CDS1: variants seen among roughly 807,000 people sequenced by gnomAD.
CDS1 encodes phosphatidate cytidylyltransferase 1.
Under a neutral mutation model 62.1 loss-of-function variants are expected in CDS1, and 41 were observed. The ratio of observed to expected loss-of-function variants is 0.66; its 90% CI spans 0.51 to 0.86. The LOEUF is 0.86. Ranked by LOEUF, CDS1 falls within the 40% of genes least tolerant of loss-of-function variation. The pLI is 0.00. For missense variants in CDS1, 470 were observed against 550.1 expected (o/e 0.85, Z 1.46); for synonymous variants, 185 against 192.6 (o/e 0.96, Z 0.32).
chr4:84,648,219 A>G (rs1414604586), intron 12 of CDS1, among the ~76,000 whole-genome samples: 1 of 152,168 alleles, frequency 6.6e-6, no homozygotes, highest in Admixed American at 6.5e-5. Context: ...TCCTTACAGA[A>G]TAGTTTTTGT....
intron 11 of CDS1, among the ~76,000 whole-genome samples, chr4:84,643,459 C>G (rs1724457280): frequency 6.6e-6 from 1 of 152,194 alleles, no homozygotes; most frequent in African/African-American, 2.4e-5. Flanking sequence ...CGTGAATCAT[C>G]TAAAGTTTAG....
At chr4:84,591,473 A>G (rs919770383) in intron 1 of CDS1, among the ~76,000 whole-genome samples, 1 of 152,168 alleles carries the variant, frequency 6.6e-6, no homozygotes, top group Non-Finnish European at 1.5e-5. Flanking sequence ...TCTTTGAGAA[A>G]AGAGGTGGTG....
chr4:84,617,512 G>A (rs1723534313), intron 3 of CDS1, 52 bp from the exon 4 acceptor site: 4 of 908,926 alleles, frequency 4.4e-6, no homozygotes, highest in Non-Finnish European at 7.3e-6. Flanking sequence ...GAATGATTAA[G>A]CACAAATGTA....
At chr4:84,601,898 G>A (rs532826466) in intron 1 of CDS1, among the ~76,000 whole-genome samples, 1 of 152,066 alleles carries the variant, frequency 6.6e-6, no homozygotes, top group African/African-American at 2.4e-5. Context: ...GGGTGGCCGA[G>A]TGAGACTCCA....
At chr4:84,630,272 C>T (rs914820338) in intron 5 of CDS1, among the ~76,000 whole-genome samples, 1 of 152,048 alleles carries the variant, frequency 6.6e-6, no homozygotes, top group African/African-American at 2.4e-5. Flanking sequence ...TCTCTCTTTC[C>T]TTTCTCTCAA....
At chr4:84,640,124 A>G (rs1472254763) in intron 9 of CDS1, among the ~76,000 whole-genome samples, 1 of 147,944 alleles carries the variant, frequency 6.8e-6, no homozygotes, top group African/African-American at 2.5e-5. Context: ...TCTATATGAA[A>G]TTATATATAT....
intron 3 of CDS1, among the ~76,000 whole-genome samples, chr4:84,610,358 G>T (rs1261205760): frequency 2.0e-5 from 3 of 152,178 alleles, no homozygotes; most frequent in Admixed American, 2.0e-4. Flanking sequence ...AGATCTGCAA[G>T]TTGCACATGT....
At chr4:84,622,824 C>A (rs1436386387) in intron 5 of CDS1, among the ~76,000 whole-genome samples, 2 of 151,908 alleles carry the variant, frequency 1.3e-5, no homozygotes, top group Non-Finnish European at 2.9e-5. Context: ...ACCTACTTTA[C>A]TTCTTCATAT....
At chr4:84,589,960 G>C (rs1000938185) in intron 1 of CDS1, among the ~76,000 whole-genome samples, 2 of 152,142 alleles carry the variant, frequency 1.3e-5, no homozygotes, top group African/African-American at 2.4e-5. Context: ...ACAGGCACCC[G>C]CCACCACGCC....
At chr4:84,644,073 TAGG>T (rs1437371451) in intron 11 of CDS1, among the ~76,000 whole-genome samples, 3 of 151,760 alleles carry the variant, frequency 2.0e-5, no homozygotes, top group African/African-American at 7.3e-5. Flanking sequence ...TGGTTGAGAG[TAGG>T]AGATGAGACC....
chr4:84,603,302 A>G lies in CDS1; in HGVS notation c.118-941A>G, dbSNP rs191835434. Among the ~76,000 whole-genome samples the G allele has an allele frequency of 1.0e-3, 159 of 152,206 alleles. 2 individuals are homozygous for G. The highest frequency in any genetic ancestry group is 3.6e-3 in the African/African-American group (148 of 41,512). Reference sequence around the variant, plus strand: ...CTCTATTTGTATTTGCCTCCAGGGAATATTCTCTTTCCTCTATCCCAGTTC... The same window carrying G: ...CTCTATTTGTATTTGCCTCCAGGGAGTATTCTCTTTCCTCTATCCCAGTTC... On this transcript the variant is annotated intron_variant, in intron 1 of 12. Coordinates refer to ENST00000295887, the MANE Select transcript of CDS1 (RefSeq NM_001263.4).
intron 10 of CDS1, among the ~76,000 whole-genome samples, chr4:84,641,309 GC>G (rs1208089472): frequency 1.3e-5 from 2 of 152,098 alleles, no homozygotes; most frequent in East Asian, 3.9e-4. Context: ...CAAGTGATCC[GC>G]CTGCTTCGGC....
At chr4:84,636,228 C>G (rs1724206653) in intron 8 of CDS1, among the ~76,000 whole-genome samples, 1 of 152,176 alleles carries the variant, frequency 6.6e-6, no homozygotes, top group South Asian at 2.1e-4. Flanking sequence ...ACCTTCACAT[C>G]CTCATATCCA....
intron 1 of CDS1, among the ~76,000 whole-genome samples, chr4:84,590,091 A>C (rs183284235): frequency 2.0e-5 from 3 of 152,274 alleles, no homozygotes; most frequent in South Asian, 2.1e-4. Context: ...GATTACAGGC[A>C]TGAGCCACCT....
chr4:84,610,810 T>C (rs939231583), intron 3 of CDS1, among the ~76,000 whole-genome samples: 6 of 152,164 alleles, frequency 3.9e-5, no homozygotes, highest in Admixed American at 2.6e-4. Context: ...CTAGGACCAA[T>C]AGGCTATACC....
chr4:84,587,888 T>C (rs1722468034), intron 1 of CDS1, among the ~76,000 whole-genome samples: 1 of 152,134 alleles, frequency 6.6e-6, no homozygotes, highest in Non-Finnish European at 1.5e-5. Flanking sequence ...GAATATTTCT[T>C]TCAGACCTTT....
rs1452815332 is a variant in CDS1, at chr4:84,583,546, C to G, written c.117+28C>G. ...AAGTGGAGCCGAGAGAGGCGGACGC[C>G]GCGCCCTGGCTGGGTCCTGGTTGGA... On this transcript the variant is annotated intron_variant, in intron 1 of 12. Coordinates refer to ENST00000295887, the MANE Select transcript of CDS1 (RefSeq NM_001263.4). The G allele has an allele frequency of 7.3e-6, 10 of 1,371,078 alleles. 1 individual carries two copies. The South Asian group carries it at 1.4e-4, about 19-fold the overall frequency. 84.9% of individuals were successfully genotyped at this position (1,371,078 alleles called of 1,614,324 possible).
rs572722898 is a variant in CDS1 at position 84,601,644 on chromosome 4, G to A, written c.118-2599G>A. ...TTAAATGCCTTCATTCAGGTACGGT[G>A]GCTCACCCCTGTAATCCCAGCACTT... On this transcript the variant is annotated intron_variant, in intron 1 of 12. Transcript: ENST00000295887. Among the ~76,000 whole-genome samples, 23 of 152,226 alleles carry A rather than the reference G, an allele frequency of 1.5e-4. No homozygotes were observed. The South Asian group carries it at 4.6e-3, about 30-fold the overall frequency.
At chr4:84,587,625 A>G (rs1240470411) in intron 1 of CDS1, among the ~76,000 whole-genome samples, 1 of 152,182 alleles carries the variant, frequency 6.6e-6, no homozygotes, top group Non-Finnish European at 1.5e-5. Flanking sequence ...AAGAGCTAAG[A>G]CATGACTTAT....
Sources: allele counts gnomAD v4.1 joint callset (sites outside exome capture counted in the v4.1 genomes callset), GRCh38; gene constraint gnomAD v4.1.1; transcripts MANE v1.5; gene names NCBI Gene and HGNC (gene_info 2026-07-23, HGNC 2026-07-21).